Variants in SLC2A9 observed in about 807,000 individuals in gnomAD.
SLC2A9 encodes solute carrier family 2, facilitated glucose transporter member 9.
SLC2A9 carries 39 observed loss-of-function variants against 50.6 expected under a neutral mutation model. That is an observed-to-expected ratio of 0.77 (90% CI 0.60 to 1.01). The LOEUF (loss-of-function observed/expected upper bound fraction) is 1.01. Among genes scored for constraint, SLC2A9 ranks in the 50% least tolerant of loss-of-function variants. SLC2A9 has a pLI of 0.00. For missense variants in SLC2A9, 686 were observed against 677.6 expected (o/e 1.01, Z -0.14); for synonymous variants, 324 against 276.9 (o/e 1.17, Z -1.69).
In SLC2A9 at chr4:9,782,194, G is replaced by T. The variant is rs145405809; in HGVS notation, n.386-2129C>A. 1.7e-5 allele frequency: 27 copies of T among 1,608,952 alleles called. No individual in the cohort carries two copies. The African/African-American group carries it at 2.7e-4, about 16-fold the overall frequency. On this transcript the variant is annotated intron_variant and non_coding_transcript_variant, in intron 3 of 3. Coordinates refer to the SLC2A9 transcript ENST00000503803. ...TGACCCTACTCATCATCTGGACCCT[G>T]CTGGGCAACGTGCTGGTGTGCGCAG...
At chr4:9,981,717 A>G (rs1282811622) in intron 4 of SLC2A9, among the ~76,000 whole-genome samples, 1 of 152,198 alleles carries the variant, frequency 6.6e-6, no homozygotes, top group African/African-American at 2.4e-5. Context: ...TTATAAAAAT[A>G]TAATAGTTTT....
chr4:9,779,513 C>G (rs1360322582), downstream of SLC2A9, among the ~76,000 whole-genome samples: 1 of 150,564 alleles, frequency 6.6e-6, no homozygotes, highest in African/African-American at 2.5e-5. Context: ...CTCCTGGGTT[C>G]ACGCCATTCT....
chr4:9,960,689 G>A (rs1356123396), intron 5 of SLC2A9, among the ~76,000 whole-genome samples: 1 of 152,156 alleles, frequency 6.6e-6, no homozygotes, highest in African/African-American at 2.4e-5. Flanking sequence ...CTTTTTTGTT[G>A]TTGTTGTTTG....
chr4:9,911,695 T>C (rs1482085442), intron 7 of SLC2A9, among the ~76,000 whole-genome samples: 2 of 152,260 alleles, frequency 1.3e-5, no homozygotes, highest in Non-Finnish European at 2.9e-5. Context: ...TCGGAATCTC[T>C]GTTCTCCAAA....
intron 8 of SLC2A9, among the ~76,000 whole-genome samples, chr4:9,903,011 T>G (rs1303069443): frequency 1.3e-5 from 2 of 152,188 alleles, no homozygotes. Context: ...CCACTTTCAC[T>G]AAGAGAAAAA....
intron 10 of SLC2A9, among the ~76,000 whole-genome samples, chr4:9,835,321 T>C (rs951476749): frequency 1.3e-5 from 2 of 152,178 alleles, no homozygotes; most frequent in Non-Finnish European, 2.9e-5. Context: ...GTCTATACCC[T>C]TCCTTTCCTC....
chr4:9,855,003 A>C (rs889146026), intron 10 of SLC2A9, among the ~76,000 whole-genome samples: 2 of 152,350 alleles, frequency 1.3e-5, no homozygotes, highest in African/African-American at 4.8e-5. Context: ...AGCCAACATC[A>C]TACTGAGTGG....
Position 9,999,308 on chromosome 4 carries a change from C to T in SLC2A9, c.250-2367G>A, listed in dbSNP as rs113333891. Among the ~76,000 whole-genome samples the T allele has an allele frequency of 2.8e-3, 422 of 152,084 alleles. 2 individuals carry two copies. Among genetic ancestry groups the T allele is most frequent in the African/African-American group, 9.4e-3 (390 of 41,492 alleles). ...AACTCCTGGGCTCATGCGATCCTCC[C>T]GCTGCAGCCTCCCCAGACCTTTTAT... On this transcript the variant is annotated intron_variant, in intron 2 of 11. Coordinates refer to ENST00000264784, the MANE Select transcript of SLC2A9 (RefSeq NM_020041.3).
intron 8 of SLC2A9, among the ~76,000 whole-genome samples, chr4:9,902,342 A>C (rs979516893): frequency 6.6e-6 from 1 of 152,184 alleles, no homozygotes; most frequent in African/African-American, 2.4e-5. Context: ...GGCCCAAGTG[A>C]GCACTTGCTG....
downstream of SLC2A9, among the ~76,000 whole-genome samples, chr4:9,825,585 A>G (rs1455900662): frequency 2.0e-5 from 3 of 151,766 alleles, no homozygotes; most frequent in East Asian, 5.8e-4. Context: ...CATCCTCAAC[A>G]TTATTTTTCA....
downstream of SLC2A9, among the ~76,000 whole-genome samples, chr4:9,822,113 T>C (rs1196223433): frequency 6.6e-6 from 1 of 152,182 alleles, no homozygotes; most frequent in Non-Finnish European, 1.5e-5. Context: ...GTGTCCTATC[T>C]CTCTTATCCT....
At chr4:9,841,034 C>A (rs1157215693) in intron 10 of SLC2A9, among the ~76,000 whole-genome samples, 1 of 152,190 alleles carries the variant, frequency 6.6e-6, no homozygotes, top group Non-Finnish European at 1.5e-5. Context: ...TCACCTCCTA[C>A]AAGTCCCTCC....
At chr4:9,862,697 T>C (rs1382607648) in intron 10 of SLC2A9, among the ~76,000 whole-genome samples, 2 of 151,984 alleles carry the variant, frequency 1.3e-5, no homozygotes, top group Non-Finnish European at 2.9e-5. Flanking sequence ...CCTGCAGCGC[T>C]AGCTTCTCAC....
intron 2 of SLC2A9, among the ~76,000 whole-genome samples, chr4:10,001,655 G>A (rs1305158319): frequency 1.3e-5 from 2 of 152,192 alleles, no homozygotes; most frequent in African/African-American, 4.8e-5. Flanking sequence ...GGGCTACCAG[G>A]ACACTGATTC....
chr4:9,816,734 A>C (rs192396265), intron 3 of SLC2A9, among the ~76,000 whole-genome samples: 1 of 152,278 alleles, frequency 6.6e-6, no homozygotes, highest in South Asian at 2.1e-4. Context: ...ACTTCAATGT[A>C]GCTGAAAAAA....
chr4:9,897,579 C>T (rs143821236), intron 8 of SLC2A9, among the ~76,000 whole-genome samples: 2 of 152,066 alleles, frequency 1.3e-5, no homozygotes, highest in African/African-American at 4.8e-5. Context: ...GTCCTTGAGC[C>T]AATGGAAAAG....
intron 2 of SLC2A9, among the ~76,000 whole-genome samples, chr4:10,000,237 G>A (rs1014290): frequency 0.72 from 109,583 of 152,078 alleles, 39,665 homozygotes; most frequent in Non-Finnish European, 0.76. Flanking sequence ...ACTGATCTAC[G>A]TCATCCACTG....
intron 10 of SLC2A9, among the ~76,000 whole-genome samples, chr4:9,862,952 C>T (rs1436419940): frequency 1.3e-5 from 2 of 152,036 alleles, no homozygotes; most frequent in Non-Finnish European, 2.9e-5. Flanking sequence ...GCCTATCAAC[C>T]TTGCTTTTCC....
In SLC2A9 at chr4:9,826,583, G is replaced by C. The variant is rs1470867688; in HGVS notation, c.1437C>G (p.Tyr479Ter). ...AAATTGTAGCAAAGACTAGGAAACA[G>C]TAGGTGTCCAGACTTTTCTGTGGAA... ...FPFIQKSLDTYCFLVFATICI... is the reference protein window; with the variant it reads ...FPFIQKSLDT Residue 479 changes from tyrosine (Y) to a stop codon, truncating the protein, a stop_gained, in exon 12 of 12, where the codon TAC becomes TAG. Coordinates refer to ENST00000264784, the MANE Select transcript of SLC2A9 (RefSeq NM_020041.3). LOFTEE classifies it low-confidence loss of function (END_TRUNC). 1 of 1,613,924 alleles carries C rather than the reference G, an allele frequency of 6.2e-7. No individual in the cohort carries two copies. Among genetic ancestry groups the C allele is most frequent in the African/African-American group, 1.3e-5 (1 of 74,922 alleles).
Sources: allele counts gnomAD v4.1 joint callset (sites outside exome capture counted in the v4.1 genomes callset), GRCh38; gene constraint gnomAD v4.1.1; transcripts MANE v1.5; gene names NCBI Gene and HGNC (gene_info 2026-07-23, HGNC 2026-07-21).